Variants in CABP2 observed in about 807,000 individuals in gnomAD.
CABP2 encodes the protein calcium-binding protein 2.
In CABP2, 25 loss-of-function variants were observed where a neutral mutation model predicts 28.6. The ratio of observed to expected loss-of-function variants is 0.87; its 90% CI spans 0.64 to 1.22. CABP2 has a LOEUF of 1.22. Ranked by LOEUF, CABP2 falls within the 50% of genes most tolerant of loss-of-function variation. The probability of loss-of-function intolerance (pLI) is 0.00; values close to 1 mark genes in which losing one functional copy is unlikely to be tolerated. For missense variants in CABP2, 310 were observed against 312.2 expected (o/e 0.99, Z 0.05); for synonymous variants, 138 against 126.0 (o/e 1.09, Z -0.64).
Position 67,519,106 on chromosome 11 carries a change from G to T in CABP2, c.*33C>A. On this transcript the variant is annotated 3_prime_UTR_variant, in exon 7 of 7. Coordinates refer to ENST00000294288, the MANE Select transcript of CABP2 (RefSeq NM_016366.3). ...GGTGGGCAGAGGCTGTGGTCCTTGA[G>T]TCCTTTATGCTGCCTCCAGCTTCTG... The T allele has an allele frequency of 6.2e-7, 1 of 1,613,128 alleles. No individual in the cohort carries two copies. The highest frequency in any genetic ancestry group is 8.5e-7 in the Non-Finnish European group (1 of 1,179,094).
chr11:67,520,574 C>A (rs1470276738), intron 4 of CABP2, among the ~76,000 whole-genome samples: 2 of 152,152 alleles, frequency 1.3e-5, no homozygotes, highest in Non-Finnish European at 2.9e-5. Context: ...AGGAGAATTG[C>A]TTGAACCCAG....
chr11:67,523,109 G>A (rs1313339839), intron 1 of CABP2, among the ~76,000 whole-genome samples, 176 bp downstream of exon 1: 8 of 152,284 alleles, frequency 5.3e-5, no homozygotes, highest in Admixed American at 2.6e-4. Flanking sequence ...CCCAGAGGTC[G>A]GTGGGAGCCA....
intron 4 of CABP2, among the ~76,000 whole-genome samples, chr11:67,520,674 AAAAC>A (rs1044635666): frequency 9.9e-5 from 15 of 152,162 alleles, no homozygotes; most frequent in Non-Finnish European, 1.6e-4. Context: ...CAAAAAACAA[AAAAC>A]AAACAAACAA....
At chr11:67,520,874 C>G in intron 4 of CABP2, 151 bp downstream of exon 4, 1 of 816,364 alleles carries the variant, frequency 1.2e-6, no homozygotes, top group Non-Finnish European at 2.0e-6. Flanking sequence ...GTGAGATTCT[C>G]CAGAGGCAGA....
At chr11:67,519,684 T>C (rs1209520972) in intron 6 of CABP2, 109 bp downstream of exon 6, 1 of 1,001,244 alleles carries the variant, frequency 1.0e-6, no homozygotes, top group Non-Finnish European at 1.5e-6. Context: ...GGAGAGGACA[T>C]GGGAGTGCGT....
chr11:67,522,499 G>A (rs571123278), intron 2 of CABP2, 47 bp downstream of exon 2: 2 of 1,548,668 alleles, frequency 1.3e-6, no homozygotes, highest in Non-Finnish European at 1.7e-6. Context: ...GAGCTGGTGG[G>A]AGAGGGGCAA....
chr11:67,519,521 G>A (rs1045342587), intron 6 of CABP2, among the ~76,000 whole-genome samples: 1 of 152,210 alleles, frequency 6.6e-6, no homozygotes. Context: ...TAGAGGAAGA[G>A]CTGGGTTCTG....
In CABP2 at chr11:67,519,115, G is replaced by A. The variant is rs758911049; in HGVS notation, c.*24C>T. On this transcript the variant is annotated 3_prime_UTR_variant, in exon 7 of 7. Coordinates refer to ENST00000294288, the MANE Select transcript of CABP2 (RefSeq NM_016366.3). ...AGGCTGTGGTCCTTGAGTCCTTTAT[G>A]CTGCCTCCAGCTTCTGTACAGGCTC... 4 of 1,613,732 alleles carry A rather than the reference G, an allele frequency of 2.5e-6. No individual in the cohort carries two copies. In the South Asian group the frequency reaches 4.4e-5, roughly 18 times the overall value.
chr11:67,521,866 C>CCAA, intron 3 of CABP2, 86 bp downstream of exon 3: 6 of 656,266 alleles, frequency 9.1e-6, no homozygotes, highest in East Asian at 3.0e-5. Flanking sequence ...GGCCCCCACC[C>CCAA]GATGCCCCCC....
rs1193279970 is a variant in CABP2 at position 67,522,715 on chromosome 11, T to C, written c.44A>G (p.Asp15Gly). 4 of 1,488,620 alleles carry C rather than the reference T, an allele frequency of 2.7e-6. No individual in the cohort carries two copies. The Admixed American group carries it at 9.0e-5, about 33-fold the overall frequency. 92.2% of individuals were successfully genotyped at this position (1,488,620 alleles called of 1,614,324 possible). Residue 15 changes from aspartate to glycine, a missense_variant and splice_region_variant, in exon 2 of 7, where the codon GAC (aspartate) becomes GGC (glycine). Transcript: ENST00000294288. ...TGGGGAGCCGAGCCACTGCAAGGGG[T>C]CCTGCAGCAGAGCCGGCCGTGAGCT... Reference protein sequence around the residue: ...AKRPWRRGPKDPLQWLGSPPR... With the variant: ...AKRPWRRGPKGPLQWLGSPPR...
At position 67,523,422 on chromosome 11, in the gene CABP2, C is replaced by A; in HGVS notation, c.-96G>T. 1.4e-6 allele frequency: 2 copies of A among 1,427,312 alleles called. No homozygotes were observed. Among genetic ancestry groups the A allele is most frequent in the Non-Finnish European group, 1.8e-6 (2 of 1,083,490 alleles). The allele number at this position is 1,427,312 out of a possible 1,614,324, so 88.4% of individuals were successfully genotyped here. A position where few individuals can be genotyped will look rare whatever the true frequency, so the allele number is the denominator to read the frequency against. On this transcript the variant is annotated 5_prime_UTR_variant, in exon 1 of 7. Coordinates refer to ENST00000294288, the MANE Select transcript of CABP2 (RefSeq NM_016366.3). The stretch of plus-strand genomic sequence containing the variant: ...GAGGACTCCTGCCAGCCCCCAGCTG[C>A]TCCCGATGAGAGCCTGGGAGTACTG...
chr11:67,522,616 T>A lies in CABP2; in HGVS notation c.143A>T (p.Tyr48Phe), dbSNP rs760234562. Residue 48 changes from tyrosine (Y) to phenylalanine (F), a missense_variant, in exon 2 of 7, where the codon TAC becomes TTC. Physicochemically the swap from Tyr to Phe is conservative, Grantham distance 22. Coordinates refer to ENST00000294288, the MANE Select transcript of CABP2 (RefSeq NM_016366.3). Reference protein sequence around the residue: ...QGDPAPGVQGYSVLNSLVGPA... With the variant: ...QGDPAPGVQGFSVLNSLVGPA... Reference sequence around the variant, plus strand: ...CCCCACCAGGCTGTTGAGCACCGAGTAGCCCTGGACGCCTGGCGCGGGGTC... The same window carrying A: ...CCCCACCAGGCTGTTGAGCACCGAGAAGCCCTGGACGCCTGGCGCGGGGTC... 1 of 1,550,076 alleles carries A rather than the reference T, an allele frequency of 6.5e-7. No homozygotes were observed.
At position 67,523,439 on chromosome 11, in the gene CABP2, G is replaced by T; in HGVS notation, c.-113C>A. On this transcript the variant is annotated 5_prime_UTR_variant, in exon 1 of 7. Transcript: ENST00000294288. ...CCCAGCTGCTCCCGATGAGAGCCTGGGAGTACTGCCGGGGATTTTCCTGGG... is the reference window on the plus strand; with the variant it reads ...CCCAGCTGCTCCCGATGAGAGCCTGTGAGTACTGCCGGGGATTTTCCTGGG... 1 of 1,382,218 alleles carries T rather than the reference G, an allele frequency of 7.2e-7. No homozygotes were observed. The highest frequency in any genetic ancestry group is 3.0e-5 in the East Asian group (1 of 33,422). The allele number at this position is 1,382,218 out of a possible 1,614,324, so 85.6% of individuals were successfully genotyped here.
At chr11:67,522,861 C>A in intron 1 of CABP2, 145 bp from the exon 2 acceptor site, 1 of 709,320 alleles carries the variant, frequency 1.4e-6, no homozygotes, top group Non-Finnish European at 2.3e-6. Context: ...AGAGAGGACC[C>A]TCACCCGTGA....
chr11:67,519,941 C>T lies in CABP2; in HGVS notation c.490-1G>A. 6.2e-7 allele frequency: 1 copy of T among 1,605,466 alleles called. No homozygotes were observed. Among genetic ancestry groups the T allele is most frequent in the Non-Finnish European group, 8.5e-7 (1 of 1,177,658 alleles). ...TGCGGCCGTCCCCATTGGTGTCGAACTGTGGCGGCGTTGGTTGTGGCGTCT... is the reference window on the plus strand; with the variant it reads ...TGCGGCCGTCCCCATTGGTGTCGAATTGTGGCGGCGTTGGTTGTGGCGTCT... On this transcript the variant is annotated splice_acceptor_variant, in intron 5 of 6. Transcript: ENST00000294288. LOFTEE classifies it high-confidence loss of function.
At chr11:67,519,274 A>G in intron 6 of CABP2, 110 bp from the exon 7 acceptor site, 2 of 1,038,948 alleles carry the variant, frequency 1.9e-6, no homozygotes, top group Middle Eastern at 2.1e-4. Context: ...GAGGGTCTTC[A>G]AGGGCATCCT....
rs555794796 is a variant in CABP2, at chr11:67,519,875, C to G, written c.555G>C (p.Leu185=). 5.6e-6 allele frequency: 9 copies of G among 1,613,568 alleles called. No homozygotes were observed. The highest frequency in any genetic ancestry group is 1.1e-5 in the South Asian group (1 of 91,084). Residue 185 remains leucine, a synonymous_variant, in exon 6 of 7, where the codon CTG becomes CTC. Coordinates refer to ENST00000294288, the MANE Select transcript of CABP2 (RefSeq NM_016366.3). ...GELRAALKAL[L]GERLSQREVD... Reference sequence around the variant, plus strand: ...CCTCCCGCTGGCTGAGGCGCTCCCCCAGCAGGGCCTTGAGGGCCGCCCGGA... The same window carrying G: ...CCTCCCGCTGGCTGAGGCGCTCCCCGAGCAGGGCCTTGAGGGCCGCCCGGA...
intron 2 of CABP2, 80 bp from the exon 3 acceptor site, chr11:67,522,062 AC>A: frequency 7.8e-7 from 1 of 1,283,288 alleles, no homozygotes; most frequent in Non-Finnish European, 1.1e-6. Flanking sequence ...GGGGCTCCCC[AC>A]CCAGCCCCAC....
In CABP2 at chr11:67,523,302, A is replaced by G; in HGVS notation, c.25T>C (p.Trp9Arg). 6.4e-7 allele frequency: 1 copy of G among 1,555,400 alleles called. No homozygotes were observed. The highest frequency in any genetic ancestry group is 8.7e-7 in the Non-Finnish European group (1 of 1,149,118). The change falls in exon 1 of 7, where the codon TGG (tryptophan) becomes CGG (arginine). Residue 9 changes from tryptophan to arginine, a missense_variant. By Grantham distance (101) the Trp-to-Arg change is moderately radical (BLOSUM62 -3). Coordinates refer to ENST00000294288, the MANE Select transcript of CABP2 (RefSeq NM_016366.3). Reference sequence around the variant, plus strand: ...CCTCCTACCTTAGGGCCCCGGCGCCAGGGCCGCTTGGCACAGTTCCCCATG... The same window carrying G: ...CCTCCTACCTTAGGGCCCCGGCGCCGGGGCCGCTTGGCACAGTTCCCCATG... MGNCAKRP[W>R]RRGPKDPLQW...
Sources: gnomAD v4.1 joint callset for allele counts (sites outside exome capture counted in the v4.1 genomes callset) on GRCh38, gnomAD v4.1.1 for gene constraint, MANE v1.5 for transcripts, NCBI Gene and HGNC (gene_info 2026-07-23, HGNC 2026-07-21) for gene names.